The following IFTAP variants were observed in gnomAD, a reference collection of about 807,000 sequenced individuals.
IFTAP encodes the protein intraflagellar transport-associated protein.
IFTAP carries 19 observed loss-of-function variants against 19.4 expected under a neutral mutation model. The ratio of observed to expected loss-of-function variants is 0.98; its 90% CI spans 0.68 to 1.44. The LOEUF (loss-of-function observed/expected upper bound fraction) is 1.44, where lower values mean the gene tolerates loss of function less well. Among genes scored for constraint, IFTAP ranks in the 40% most tolerant of loss-of-function variants. IFTAP has a pLI of 0.00. For synonymous variants in IFTAP, 85 were observed against 83.5 expected (o/e 1.02, Z -0.10); for missense variants, 240 against 253.6 (o/e 0.95, Z 0.36).
intron 1 of IFTAP, among the ~76,000 whole-genome samples, chr11:36,604,444 G>C (rs1468280744): frequency 6.6e-6 from 1 of 152,134 alleles, no homozygotes; most frequent in South Asian, 2.1e-4. Flanking sequence ...AAACAATAAA[G>C]GAGTGTAGGT....
chr11:36,636,250 G>T, intron 4 of IFTAP, 133 bp downstream of exon 4: 1 of 666,422 alleles, frequency 1.5e-6, no homozygotes, highest in Non-Finnish European at 2.6e-6. Flanking sequence ...AAAGTTGTGA[G>T]CTATTTTTTT....
At chr11:36,606,534 G>T (rs946683115) in intron 1 of IFTAP, among the ~76,000 whole-genome samples, 1 of 152,214 alleles carries the variant, frequency 6.6e-6, no homozygotes, top group African/African-American at 2.4e-5. Context: ...GAAGGATTTT[G>T]AATTTGTGCT....
At chr11:36,612,682 G>A (rs1036880959) in intron 2 of IFTAP, among the ~76,000 whole-genome samples, 1 of 152,004 alleles carries the variant, frequency 6.6e-6, no homozygotes. Context: ...TCTTTAGTAA[G>A]TTTAGTTTCT....
At chr11:36,647,903 C>G in intron 4 of IFTAP, 113 bp from the exon 5 acceptor site, 1 of 1,254,466 alleles carries the variant, frequency 8.0e-7, no homozygotes, top group Non-Finnish European at 1.1e-6. Context: ...TGAAATGGAT[C>G]TACATTACAT....
chr11:36,611,529 G>A (rs1851874466), intron 2 of IFTAP, among the ~76,000 whole-genome samples: 1 of 152,082 alleles, frequency 6.6e-6, no homozygotes, highest in Non-Finnish European at 1.5e-5. Flanking sequence ...TGTAAAACAA[G>A]AGTAGTAGTT....
intron 4 of IFTAP, among the ~76,000 whole-genome samples, chr11:36,643,243 C>A (rs1392157379): frequency 6.6e-6 from 1 of 152,182 alleles, no homozygotes; most frequent in African/African-American, 2.4e-5. Context: ...AACTCCCATT[C>A]ACAATTGCTT....
chr11:36,607,101 T>G (rs1851721189), intron 1 of IFTAP, among the ~76,000 whole-genome samples: 1 of 152,210 alleles, frequency 6.6e-6, no homozygotes, highest in African/African-American at 2.4e-5. Context: ...CCTCTACAAC[T>G]CTATGCTTTA....
intron 1 of IFTAP, 66 bp from the exon 2 acceptor site, chr11:36,610,015 C>A: frequency 7.0e-7 from 1 of 1,432,924 alleles, no homozygotes; most frequent in Non-Finnish European, 9.6e-7. Context: ...ACCTACCCAT[C>A]CAGAATATTT....
At chr11:36,658,331 T>G (rs1201389427) in intron 5 of IFTAP, among the ~76,000 whole-genome samples, 1 of 112,856 alleles carries the variant, frequency 8.9e-6, no homozygotes, top group African/African-American at 3.0e-5. Context: ...GAAAATATGC[T>G]TTTTTATCTG....
At chr11:36,618,740 G>A (rs1852189130) in intron 2 of IFTAP, among the ~76,000 whole-genome samples, 1 of 152,012 alleles carries the variant, frequency 6.6e-6, no homozygotes, top group South Asian at 2.1e-4. Flanking sequence ...GATATACTAT[G>A]TAATTGGGAA....
At chr11:36,639,115 A>G (rs191705432) in intron 4 of IFTAP, among the ~76,000 whole-genome samples, 1 of 152,280 alleles carries the variant, frequency 6.6e-6, no homozygotes, top group Non-Finnish European at 1.5e-5. Flanking sequence ...ACCCAGCACA[A>G]TTATTGTTTG....
At chr11:36,641,264 T>G (rs193182503) in intron 4 of IFTAP, among the ~76,000 whole-genome samples, 5 of 152,274 alleles carry the variant, frequency 3.3e-5, no homozygotes, top group African/African-American at 1.2e-4. Context: ...AAATAGATTT[T>G]TAATAAAAAT....
intron 2 of IFTAP, among the ~76,000 whole-genome samples, chr11:36,614,484 G>A (rs1291218475): frequency 6.7e-6 from 1 of 148,622 alleles, no homozygotes; most frequent in East Asian, 2.0e-4. Flanking sequence ...GATCCCTGAG[G>A]AATCGCCACA....
At chr11:36,645,470 A>G (rs558544816) in intron 4 of IFTAP, among the ~76,000 whole-genome samples, 1 of 152,252 alleles carries the variant, frequency 6.6e-6, no homozygotes, top group African/African-American at 2.4e-5. Flanking sequence ...TAGAAACAAC[A>G]CCTATATGAT....
chr11:36,647,796 G>A (rs913554952), intron 4 of IFTAP, among the ~76,000 whole-genome samples: 11 of 151,992 alleles, frequency 7.2e-5, no homozygotes, highest in African/African-American at 7.2e-5. Flanking sequence ...GGACTCTTAC[G>A]TTTGCAACGA....
chr11:36,636,045 T>G lies in IFTAP; in HGVS notation c.292-6T>G, dbSNP rs1565023132. Reference sequence around the variant, plus strand: ...GCTTAAAAATTATGTTAATTCTTTTTTCTAGGTAGATAATTTCCTAGATTT... The same window carrying G: ...GCTTAAAAATTATGTTAATTCTTTTGTCTAGGTAGATAATTTCCTAGATTT... On this transcript the variant is annotated splice_polypyrimidine_tract_variant and splice_region_variant and intron_variant, in intron 3 of 5. Transcript: ENST00000334307. The G allele has an allele frequency of 6.3e-7, 1 of 1,584,128 alleles. No individual in the cohort carries two copies. Among genetic ancestry groups the G allele is most frequent in the Admixed American group, 1.7e-5 (1 of 59,846 alleles).
chr11:36,641,255 A>G (rs907860803), intron 4 of IFTAP, among the ~76,000 whole-genome samples: 1 of 152,164 alleles, frequency 6.6e-6, no homozygotes, highest in African/African-American at 2.4e-5. Flanking sequence ...ATTTTTAGAA[A>G]ATAGATTTTT....
chr11:36,603,909 C>CA (rs1180107804), intron 1 of IFTAP, among the ~76,000 whole-genome samples: 2 of 142,004 alleles, frequency 1.4e-5, no homozygotes, highest in Non-Finnish European at 3.0e-5. Flanking sequence ...GTGACAAGAG[C>CA]AAAACTCAGT....
intron 1 of IFTAP, among the ~76,000 whole-genome samples, chr11:36,595,929 T>C (rs755424663): frequency 3.9e-5 from 6 of 152,180 alleles, no homozygotes; most frequent in Non-Finnish European, 7.3e-5. Flanking sequence ...TAAACATATA[T>C]GATGAGGGTG....
Sources: allele counts gnomAD v4.1 joint callset (sites outside exome capture counted in the v4.1 genomes callset), GRCh38; gene constraint gnomAD v4.1.1; transcripts MANE v1.5; gene names NCBI Gene and HGNC (gene_info 2026-07-23, HGNC 2026-07-21).